The following TANC1 variants were observed in gnomAD, a reference collection of about 807,000 sequenced individuals.
The protein encoded by TANC1 is tetratricopeptide repeat, ankyrin repeat and coiled-coil containing 1, also known as protein TANC1.
Under a neutral mutation model 149.7 loss-of-function variants are expected in TANC1, and 77 were observed. The ratio of observed to expected loss-of-function variants is 0.51; its 90% CI spans 0.43 to 0.62. The LOEUF (loss-of-function observed/expected upper bound fraction) is 0.62, where lower values mean the gene tolerates loss of function less well. Ranked by LOEUF, TANC1 falls within the 20% of genes least tolerant of loss-of-function variation. The pLI is 0.00. For missense variants in TANC1, 1,985 were observed against 2,321.8 expected, an observed-to-expected ratio of 0.85 and a Z score of 2.98; for synonymous variants, 854 against 925.0, an observed-to-expected ratio of 0.92 and a Z score of 1.39.
intron 15 of TANC1, 67 bp downstream of exon 15, chr2:159,185,966 T>A: frequency 8.2e-7 from 1 of 1,225,048 alleles, no homozygotes; most frequent in Non-Finnish European, 1.2e-6. Flanking sequence ...TTTGGAGATT[T>A]TAGACAGCTC....
rs2149328063 is a variant in TANC1, at chr2:159,001,585, TG to T, written c.-16+397del. On this transcript the variant is annotated intron_variant, in intron 2 of 26. Coordinates refer to ENST00000263635, the MANE Select transcript of TANC1 (RefSeq NM_033394.3). The surrounding 1 kb of genome is among the most constrained non-coding windows in gnomAD (Gnocchi z 4.3). Reference sequence around the variant, plus strand: ...AGGGAGTAATAATCACTACCATTTATGAAACCCTTTCCTGGTTCATTGTCAC... The same window carrying T: ...AGGGAGTAATAATCACTACCATTTATAAACCCTTTCCTGGTTCATTGTCAC... Among the ~76,000 whole-genome samples the T allele has an allele frequency of 6.6e-6, 1 of 152,358 alleles. No homozygotes were observed. Among genetic ancestry groups the T allele is most frequent in the African/African-American group, 2.4e-5 (1 of 41,592 alleles).
At chr2:159,071,360 A>G (rs2043141031) in intron 3 of TANC1, among the ~76,000 whole-genome samples, 1 of 152,130 alleles carries the variant, frequency 6.6e-6, no homozygotes, top group Admixed American at 6.6e-5. Context: ...ATTTTTCCCC[A>G]GTAGGGGGAC....
At chr2:159,112,826 C>A (rs2047883915) in intron 4 of TANC1, among the ~76,000 whole-genome samples, 1 of 152,102 alleles carries the variant, frequency 6.6e-6, no homozygotes, top group Admixed American at 6.5e-5. Context: ...AGCTATCCCC[C>A]AGCCTTGGCC....
intron 3 of TANC1, among the ~76,000 whole-genome samples, chr2:159,076,493 C>T (rs2043692020): frequency 6.6e-6 from 1 of 152,190 alleles, no homozygotes; most frequent in African/African-American, 2.4e-5. Flanking sequence ...GTCAAAGTTC[C>T]TCCTCTACCC....
rs568621686 is a variant in TANC1 at position 159,175,191 on chromosome 2, C to T, written c.1735+7C>T. 1.4e-5 allele frequency: 23 copies of T among 1,608,276 alleles called. No homozygotes were observed. Among genetic ancestry groups the T allele is most frequent in the East Asian group, 8.9e-5 (4 of 44,848 alleles). Reference sequence around the variant, plus strand: ...CTCACAAACCTGAGAAATGGTACTTCGCAGCAGCTACCCACAGCCCCATCT... The same window carrying T: ...CTCACAAACCTGAGAAATGGTACTTTGCAGCAGCTACCCACAGCCCCATCT... On this transcript the variant is annotated splice_region_variant and intron_variant, in intron 12 of 26. Coordinates refer to ENST00000263635, the MANE Select transcript of TANC1 (RefSeq NM_033394.3).
At chr2:159,187,153 C>A in intron 16 of TANC1, 129 bp downstream of exon 16, 1 of 1,075,142 alleles carries the variant, frequency 9.3e-7, no homozygotes, top group Non-Finnish European at 1.3e-6. Context: ...TAAAGATGTG[C>A]TTCCCTGATC....
At chr2:159,133,860 A>G (rs1223180585) in intron 4 of TANC1, among the ~76,000 whole-genome samples, 2 of 152,210 alleles carry the variant, frequency 1.3e-5, no homozygotes, top group Admixed American at 1.3e-4. Flanking sequence ...TACCGTCCTT[A>G]TTTGTAAAGT....
At chr2:159,056,085 CA>C in intron 2 of TANC1, 1 of 297,314 alleles carries the variant, frequency 3.4e-6, no homozygotes, top group South Asian at 4.3e-5. Context: ...CAATTTTCTC[CA>C]AAGCCTCAAC....
chr2:159,230,687 C>G lies in TANC1; in HGVS notation c.5261C>G (p.Thr1754Arg). The change falls in exon 27 of 27, where the codon ACA (threonine) becomes AGA (arginine). Residue 1754 changes from threonine to arginine, a missense_variant. Physicochemically the swap from Thr to Arg is moderately conservative, Grantham distance 71 (BLOSUM62 -1). Around this residue, in one of 3 missense-constraint regions of TANC1, gnomAD observed 920 missense variants for 994.7 expected, o/e 0.92. Coordinates refer to ENST00000263635, the MANE Select transcript of TANC1 (RefSeq NM_033394.3). The surrounding 1 kb of genome is among the most constrained non-coding windows in gnomAD (Gnocchi z 4.4). ...WHCPAPEGLL[T>R]NTSSAAGLQS... is the part of the protein sequence containing the mutation. ...TGTCCGGCACCAGAGGGGCTGCTGA[C>G]AAACACGTCTTCTGCAGCTGGCCTG... The G allele has an allele frequency of 1.2e-6, 2 of 1,614,208 alleles. No homozygotes were observed. The highest frequency in any genetic ancestry group is 2.2e-5 in the South Asian group (2 of 91,086).
chr2:159,172,872 T>A (rs1271538431), intron 11 of TANC1, among the ~76,000 whole-genome samples: 1 of 152,140 alleles, frequency 6.6e-6, no homozygotes, highest in Non-Finnish European at 1.5e-5. Flanking sequence ...AGCAGTGGTG[T>A]GAGTCGGTGG....
chr2:159,016,923 A>G (rs961694891), intron 2 of TANC1, among the ~76,000 whole-genome samples: 3 of 152,036 alleles, frequency 2.0e-5, no homozygotes, highest in East Asian at 1.9e-4. Context: ...CTCTTCTTAT[A>G]TTTCCTTCCA....
At chr2:159,046,562 C>T (rs1043286293) in intron 2 of TANC1, among the ~76,000 whole-genome samples, 2 of 144,852 alleles carry the variant, frequency 1.4e-5, no homozygotes, top group Admixed American at 6.9e-5. Flanking sequence ...TTCTGGGTTC[C>T]TATGCACCAT....
At chr2:159,136,380 C>A in intron 5 of TANC1, 82 bp downstream of exon 5, 1 of 821,976 alleles carries the variant, frequency 1.2e-6, no homozygotes, top group South Asian at 1.4e-5. Context: ...ACTTGAGTGT[C>A]CTTGCAGTAC....
At chr2:159,076,469 G>A (rs1236515063) in intron 3 of TANC1, among the ~76,000 whole-genome samples, 2 of 152,156 alleles carry the variant, frequency 1.3e-5, no homozygotes, top group African/African-American at 2.4e-5. Flanking sequence ...CTGTCTTTGT[G>A]CACAGCCAAA....
At chr2:159,214,460 C>CA (rs985057193) in intron 19 of TANC1, among the ~76,000 whole-genome samples, 5 of 152,196 alleles carry the variant, frequency 3.3e-5, no homozygotes, top group African/African-American at 1.2e-4. Flanking sequence ...TGCTGAGAAC[C>CA]ATGGTGCACA....
intron 23 of TANC1, 68 bp downstream of exon 23, chr2:159,224,432 A>C: frequency 1.3e-6 from 2 of 1,576,750 alleles, no homozygotes; most frequent in Non-Finnish European, 1.7e-6. Flanking sequence ...CCTAGACAGC[A>C]CAGAGAGTGA....
chr2:159,228,699 C>G, intron 25 of TANC1, 97 bp from the exon 26 acceptor site: 3 of 807,302 alleles, frequency 3.7e-6, no homozygotes, highest in South Asian at 3.0e-5. Context: ...CTGGCTGTGC[C>G]TCAGAGCGCT....
intron 3 of TANC1, among the ~76,000 whole-genome samples, chr2:159,082,013 C>A (rs1034432768): frequency 2.0e-5 from 3 of 152,272 alleles, no homozygotes; most frequent in Non-Finnish European, 4.4e-5. Context: ...TCAGACCCTT[C>A]CAGAGCCCAC....
chr2:159,015,162 T>TTCCCG lies in TANC1; in HGVS notation c.-16+13975_-16+13979dup, dbSNP rs766710008. ...AAACTTCTGCCAGGGCATCCAGGCA[T>TTCCCG]TCCCGTGCATCTTCTGAAATCTAGG... On this transcript the variant is annotated intron_variant, in intron 2 of 26. Transcript: ENST00000263635. 5.9e-5 allele frequency among the ~76,000 whole-genome samples: 9 copies of TTCCCG among 152,356 alleles called. No individual in the cohort carries two copies. The South Asian group carries it at 1.7e-3, about 28-fold the overall frequency.
Sources: gnomAD v4.1 joint callset for allele counts (sites outside exome capture counted in the v4.1 genomes callset) on GRCh38, gnomAD v4.1.1 for gene constraint, gnomAD v4.1.1 regional missense constraint, Gnocchi (gnomAD v3.1) non-coding constraint, MANE v1.5 for transcripts, NCBI Gene and HGNC (gene_info 2026-07-23, HGNC 2026-07-21) for gene names.